The following MALRD1 variants were observed in gnomAD, a reference collection of about 807,000 sequenced individuals.
MALRD1 encodes MAM and LDL-receptor class A domain-containing protein 1.
Under a neutral mutation model 242.1 loss-of-function variants are expected in MALRD1, and 247 were observed. The ratio of observed to expected loss-of-function variants is 1.02; its 90% CI spans 0.92 to 1.13. MALRD1 has a LOEUF of 1.13. Ranked by LOEUF, MALRD1 falls within the 50% of genes most tolerant of loss-of-function variation. The pLI is 0.00. For missense variants in MALRD1, 2,989 were observed against 2,533.1 expected (o/e 1.18, Z -3.86); for synonymous variants, 995 against 866.6 (o/e 1.15, Z -2.60).
intron 20 of MALRD1, among the ~76,000 whole-genome samples, chr10:19,280,941 C>A (rs1840774746): frequency 6.6e-6 from 1 of 152,160 alleles, no homozygotes; most frequent in African/African-American, 2.4e-5. Flanking sequence ...ACTGTACCAT[C>A]ATATTTCTCA....
At chr10:19,284,629 A>C (rs946308700) in intron 21 of MALRD1, among the ~76,000 whole-genome samples, 15 of 147,566 alleles carry the variant, frequency 1.0e-4, no homozygotes, top group East Asian at 8.1e-4. Flanking sequence ...TATGTGCCAC[A>C]TTTTCTTAAT....
chr10:19,057,691 A>G (rs1444243197), intron 1 of MALRD1, among the ~76,000 whole-genome samples: 6 of 152,198 alleles, frequency 3.9e-5, no homozygotes. Context: ...CAATGGTGTG[A>G]ATAGGTCCAT....
At chr10:19,642,892 T>C (rs567704898) in intron 36 of MALRD1, among the ~76,000 whole-genome samples, 3 of 152,300 alleles carry the variant, frequency 2.0e-5, no homozygotes, top group Admixed American at 2.0e-4. Flanking sequence ...TAGATGCTGA[T>C]AGGCATGAGC....
chr10:19,545,837 G>A (rs1433349079), intron 32 of MALRD1, among the ~76,000 whole-genome samples: 1 of 152,138 alleles, frequency 6.6e-6, no homozygotes, highest in Non-Finnish European at 1.5e-5. Context: ...TGGTCTTAGA[G>A]GATCACTTCT....
intron 28 of MALRD1, among the ~76,000 whole-genome samples, chr10:19,403,203 C>T (rs1846945772): frequency 6.6e-6 from 1 of 152,060 alleles, no homozygotes; most frequent in African/African-American, 2.4e-5. Context: ...ATTTAAAACC[C>T]TTACATCATA....
chr10:19,313,526 A>G (rs952779087), intron 21 of MALRD1, among the ~76,000 whole-genome samples: 29 of 151,468 alleles, frequency 1.9e-4, no homozygotes, highest in African/African-American at 6.5e-4. Context: ...TATGAAGGAA[A>G]GACAAAAATT....
chr10:19,380,955 A>T (rs542948164), intron 26 of MALRD1, among the ~76,000 whole-genome samples: 12 of 151,404 alleles, frequency 7.9e-5, no homozygotes, highest in African/African-American at 2.7e-4. Flanking sequence ...CATGTGCACA[A>T]TGTGCAGGTT....
intron 28 of MALRD1, among the ~76,000 whole-genome samples, chr10:19,427,089 GTTTTATA>G (rs1833932105): frequency 1.3e-5 from 2 of 152,092 alleles, no homozygotes; most frequent in East Asian, 3.9e-4. Context: ...TTATCGCTTA[GTTTTATA>G]TTTTATATTC....
chr10:19,269,396 G>A (rs920287120), intron 19 of MALRD1, among the ~76,000 whole-genome samples: 2 of 152,212 alleles, frequency 1.3e-5, no homozygotes, highest in Admixed American at 6.5e-5. Context: ...GTCATTTCTA[G>A]CATCACCTGA....
chr10:19,161,562 A>AG (rs1050265365), intron 12 of MALRD1, among the ~76,000 whole-genome samples: 1 of 147,454 alleles, frequency 6.8e-6, no homozygotes, highest in African/African-American at 2.5e-5. Context: ...AAAAAAAAAA[A>AG]AAAAAGAAAA....
At chr10:19,320,772 C>T (rs10218888) in intron 21 of MALRD1, among the ~76,000 whole-genome samples, 14,590 of 152,098 alleles carry the variant, frequency 0.096, 807 homozygotes, top group East Asian at 0.16. Flanking sequence ...ACCATTTTAA[C>T]TGGCATGAGA....
At chr10:19,667,792 T>G (rs1342758898) in intron 36 of MALRD1, among the ~76,000 whole-genome samples, 1 of 152,132 alleles carries the variant, frequency 6.6e-6, no homozygotes, top group Non-Finnish European at 1.5e-5. Context: ...CTTTATAAAT[T>G]ACCCAGGGTA....
chr10:19,187,724 A>G (rs937173774), intron 14 of MALRD1, among the ~76,000 whole-genome samples: 1 of 152,068 alleles, frequency 6.6e-6, no homozygotes, highest in African/African-American at 2.4e-5. Flanking sequence ...GAAACCAAAT[A>G]CCACATGTTC....
chr10:19,435,332 G>A (rs1358325956), intron 28 of MALRD1, among the ~76,000 whole-genome samples: 1 of 152,002 alleles, frequency 6.6e-6, no homozygotes, highest in East Asian at 1.9e-4. Context: ...TAGTACATTT[G>A]TCACAATTGA....
At chr10:19,697,976 T>G (rs1833453994) in intron 38 of MALRD1, among the ~76,000 whole-genome samples, 1 of 152,178 alleles carries the variant, frequency 6.6e-6, no homozygotes. Context: ...TCTCCATAGA[T>G]GTCATTCATT....
intron 7 of MALRD1, among the ~76,000 whole-genome samples, chr10:19,126,267 A>G (rs1003123997): frequency 1.3e-5 from 2 of 152,172 alleles, no homozygotes; most frequent in Non-Finnish European, 2.9e-5. Context: ...CACATATATC[A>G]TCACTTGCAG....
At chr10:19,576,282 C>T (rs1032378824) in intron 33 of MALRD1, among the ~76,000 whole-genome samples, 30 of 152,208 alleles carry the variant, frequency 2.0e-4, no homozygotes, top group Non-Finnish European at 2.9e-5. Context: ...GAGCATACCA[C>T]TTCCAATCCC....
intron 38 of MALRD1, among the ~76,000 whole-genome samples, chr10:19,703,392 G>A: frequency 6.6e-6 from 1 of 152,148 alleles, no homozygotes. Context: ...AATATACCAA[G>A]GCACTCTCGT....
chr10:19,087,014 C>A (rs1240523942), intron 2 of MALRD1, among the ~76,000 whole-genome samples: 2 of 152,028 alleles, frequency 1.3e-5, no homozygotes, highest in African/African-American at 2.4e-5. Context: ...TGTACTTGGG[C>A]CCATTGTATG....
Sources: allele counts gnomAD v4.1 joint callset (sites outside exome capture counted in the v4.1 genomes callset), GRCh38; gene constraint gnomAD v4.1.1; transcripts MANE v1.5; gene names NCBI Gene and HGNC (gene_info 2026-07-23, HGNC 2026-07-21).